The following KCNK13 variants were observed in gnomAD, a reference collection of about 807,000 sequenced individuals.
KCNK13 encodes the protein potassium channel subfamily K member 13.
KCNK13 carries 12 observed loss-of-function variants against 23.4 expected under a neutral mutation model. The observed-to-expected ratio is 0.51, with a 90% CI of 0.33 to 0.83. The LOEUF is 0.83. Ranked by LOEUF, KCNK13 falls within the 40% of genes least tolerant of loss-of-function variation. The pLI, the probability that KCNK13 is intolerant of heterozygous loss-of-function variation, is 0.02. For synonymous variants in KCNK13, 231 were observed against 229.5 expected (o/e 1.01, Z -0.06); for missense variants, 463 against 556.3 (o/e 0.83, Z 1.69).
intron 1 of KCNK13, among the ~76,000 whole-genome samples, chr14:90,164,846 C>A (rs549682198): frequency 1.2e-4 from 18 of 152,316 alleles, no homozygotes; most frequent in African/African-American, 4.3e-4. Context: ...TTTCTGGAAG[C>A]ATGAGGGTCC....
At chr14:90,096,283 T>G (rs1889409949) in intron 1 of KCNK13, among the ~76,000 whole-genome samples, 2 of 152,210 alleles carry the variant, frequency 1.3e-5, no homozygotes, top group Admixed American at 1.3e-4. Flanking sequence ...AATCATGCCT[T>G]GGTCTTTCTG....
Position 90,062,806 on chromosome 14 carries a change from G to A in KCNK13, c.334+267G>A, listed in dbSNP as rs1888961857. On this transcript the variant is annotated intron_variant, in intron 1 of 1. Transcript: ENST00000282146. The surrounding 1 kb of genome is among the most constrained non-coding windows in gnomAD (Gnocchi z 4.5). ...AGACCTGCCGAGTCAGAATCTGCAT[G>A]TTAACAAAGTCCCCAAAGGATTGGA... Among the ~76,000 whole-genome samples the A allele has an allele frequency of 6.6e-6, 1 of 152,206 alleles. No homozygotes were observed. The highest frequency in any genetic ancestry group is 2.4e-5 in the African/African-American group (1 of 41,446).
chr14:90,178,628 A>G (rs1339817811), intron 1 of KCNK13, among the ~76,000 whole-genome samples: 2 of 152,122 alleles, frequency 1.3e-5, no homozygotes, highest in Non-Finnish European at 2.9e-5. Flanking sequence ...GTCTCAAAAT[A>G]TCTCATGATA....
intron 1 of KCNK13, among the ~76,000 whole-genome samples, chr14:90,078,315 G>C (rs998559775): frequency 1.3e-5 from 2 of 151,858 alleles, no homozygotes; most frequent in African/African-American, 4.8e-5. Context: ...AAATACTCAG[G>C]AGGCTAAAAG....
intron 1 of KCNK13, among the ~76,000 whole-genome samples, chr14:90,065,669 G>T (rs186706658): frequency 6.6e-6 from 1 of 152,186 alleles, no homozygotes; most frequent in African/African-American, 2.4e-5. Flanking sequence ...TGGTTAAAAA[G>T]CTGTCTGGGG....
chr14:90,062,673 C>T lies in KCNK13; in HGVS notation c.334+134C>T, dbSNP rs970652068. 5 of 638,440 alleles carry T rather than the reference C, an allele frequency of 7.8e-6. No individual in the cohort carries two copies. The highest frequency in any genetic ancestry group is 1.3e-5 in the Non-Finnish European group (5 of 393,448). 39.5% of individuals were successfully genotyped at this position (638,440 alleles called of 1,614,324 possible). ...AGACTCCACTGACATGAGCTGTCGC[C>T]TGATCAACAGGTGGTATTGCCTCCC... is the stretch of plus-strand genomic sequence containing the variant. On this transcript the variant is annotated intron_variant, in intron 1 of 1. Transcript: ENST00000282146. This position sits in a 1 kb window ranked among gnomAD's most constrained non-coding sequence, Gnocchi z 4.5.
At chr14:90,116,886 T>C (rs1406957123) in intron 1 of KCNK13, among the ~76,000 whole-genome samples, 1 of 152,184 alleles carries the variant, frequency 6.6e-6, no homozygotes, top group Non-Finnish European at 1.5e-5. Context: ...CAAAATACAG[T>C]AATTCCTCCC....
At chr14:90,120,490 G>A (rs1203583816) in intron 1 of KCNK13, among the ~76,000 whole-genome samples, 2 of 152,212 alleles carry the variant, frequency 1.3e-5, no homozygotes, top group Non-Finnish European at 2.9e-5. Flanking sequence ...CATGGTGGAA[G>A]GGGAAGCAAA....
At chr14:90,125,625 A>G (rs542217708) in intron 1 of KCNK13, among the ~76,000 whole-genome samples, 229 of 52,128 alleles carry the variant, frequency 4.4e-3, no homozygotes, top group Middle Eastern at 0.013. Context: ...ACACACACAC[A>G]CGCGCACACA....
At chr14:90,101,894 T>C (rs959598438) in intron 1 of KCNK13, among the ~76,000 whole-genome samples, 3 of 151,766 alleles carry the variant, frequency 2.0e-5, no homozygotes, top group African/African-American at 4.8e-5. Context: ...ATATTTTCTT[T>C]TTTTTTTAAA....
At chr14:90,094,206 A>G (rs1284374465) in intron 1 of KCNK13, among the ~76,000 whole-genome samples, 2 of 152,206 alleles carry the variant, frequency 1.3e-5, no homozygotes, top group African/African-American at 4.8e-5. Context: ...AATGGAAACT[A>G]CATCCCATCT....
At chr14:90,122,852 C>G (rs1889755120) in intron 1 of KCNK13, among the ~76,000 whole-genome samples, 4 of 152,142 alleles carry the variant, frequency 2.6e-5, no homozygotes, top group Admixed American at 2.6e-4. Flanking sequence ...ACCTAATAAG[C>G]CTTCATATCC....
rs147408464 is a variant in KCNK13 at position 90,077,864 on chromosome 14, A to T, written c.334+15325A>T. 1.8e-4 allele frequency among the ~76,000 whole-genome samples: 27 copies of T among 152,188 alleles called. No homozygotes were observed. The East Asian group carries it at 4.8e-3, about 27-fold the overall frequency. On this transcript the variant is annotated intron_variant, in intron 1 of 1. Transcript: ENST00000282146. ...TCCCTTTCAATTTCTCTGCCTGTTT[A>T]CTATAAGCCACTCCCATTCCCAACA... is the stretch of plus-strand genomic sequence containing the variant.
chr14:90,135,531 C>G (rs1383205459), intron 1 of KCNK13, among the ~76,000 whole-genome samples: 1 of 152,150 alleles, frequency 6.6e-6, no homozygotes. Context: ...TCGAGAGGAC[C>G]TTTTCTGCCT....
intron 1 of KCNK13, among the ~76,000 whole-genome samples, chr14:90,116,444 T>C (rs1889678028): frequency 6.6e-6 from 1 of 152,202 alleles, no homozygotes; most frequent in Non-Finnish European, 1.5e-5. Flanking sequence ...TTTCAGTTGC[T>C]ATGGCAGACC....
chr14:90,152,500 A>T (rs1006831822), intron 1 of KCNK13, among the ~76,000 whole-genome samples: 1 of 152,070 alleles, frequency 6.6e-6, no homozygotes, highest in African/African-American at 2.4e-5. Flanking sequence ...GCGCCATTGC[A>T]CTGCAGCCTG....
At chr14:90,108,892 T>G (rs1186705048) in intron 1 of KCNK13, among the ~76,000 whole-genome samples, 1 of 152,138 alleles carries the variant, frequency 6.6e-6, no homozygotes, top group Non-Finnish European at 1.5e-5. Flanking sequence ...TAAGAATCCC[T>G]TGGGCCAGGC....
chr14:90,178,067 A>G, intron 1 of KCNK13, among the ~76,000 whole-genome samples: 1 of 151,754 alleles, frequency 6.6e-6, no homozygotes. Context: ...GTCATTGAGA[A>G]CTCTTTAGAT....
At chr14:90,124,488 C>T (rs1889773085) in intron 1 of KCNK13, among the ~76,000 whole-genome samples, 1 of 152,212 alleles carries the variant, frequency 6.6e-6, no homozygotes. Flanking sequence ...ACCATTGCTG[C>T]CTTTTAGATA....
Sources: gnomAD v4.1 joint callset for allele counts (sites outside exome capture counted in the v4.1 genomes callset) on GRCh38, gnomAD v4.1.1 for gene constraint, Gnocchi (gnomAD v3.1) non-coding constraint, MANE v1.5 for transcripts, NCBI Gene and HGNC (gene_info 2026-07-23, HGNC 2026-07-21) for gene names.